The following CNTNAP5 variants were observed in gnomAD, a reference collection of about 807,000 sequenced individuals.
CNTNAP5 encodes the protein contactin-associated protein-like 5.
In CNTNAP5, 72 loss-of-function variants were observed where a neutral mutation model predicts 150.2. That is an observed-to-expected ratio of 0.48 (90% CI 0.40 to 0.58). CNTNAP5 has a LOEUF of 0.58. Ranked by LOEUF, CNTNAP5 falls within the 20% of genes least tolerant of loss-of-function variation. The pLI, the probability that CNTNAP5 is intolerant of heterozygous loss-of-function variation, is 0.00. For synonymous variants in CNTNAP5, 672 were observed against 619.8 expected, an observed-to-expected ratio of 1.08 and a Z score of -1.25; for missense variants, 1,636 against 1,626.2, an observed-to-expected ratio of 1.01 and a Z score of -0.10.
intron 1 of CNTNAP5, among the ~76,000 whole-genome samples, chr2:124,069,966 C>A (rs1682259237): frequency 6.6e-6 from 1 of 152,034 alleles, no homozygotes; most frequent in Admixed American, 6.6e-5. Flanking sequence ...ATCAAAAATA[C>A]TAATGGCAAC....
intron 3 of CNTNAP5, among the ~76,000 whole-genome samples, chr2:124,370,235 C>A (rs144547823): frequency 2.7e-4 from 41 of 152,232 alleles, no homozygotes; most frequent in African/African-American, 9.4e-4. Flanking sequence ...TTTGCAGAGA[C>A]CACATCTAGA....
intron 11 of CNTNAP5, among the ~76,000 whole-genome samples, chr2:124,585,173 A>G (rs1459462156): frequency 2.6e-5 from 4 of 152,222 alleles, no homozygotes; most frequent in African/African-American, 9.6e-5. Flanking sequence ...ATGAAGCTGT[A>G]CAGGGGCTCA....
intron 2 of CNTNAP5, among the ~76,000 whole-genome samples, chr2:124,225,139 CT>C (rs1331669254): frequency 1.3e-5 from 2 of 152,112 alleles, no homozygotes; most frequent in African/African-American, 4.8e-5. Context: ...CCCTCTTCCC[CT>C]GGTTGTAAGC....
Position 124,781,624 on chromosome 2 carries a change from C to T in CNTNAP5, c.2753-8278C>T, listed in dbSNP as rs568317796. Among the ~76,000 whole-genome samples the T allele has an allele frequency of 3.3e-5, 5 of 152,238 alleles. No homozygotes were observed. The East Asian group carries it at 9.7e-4, about 29-fold the overall frequency. Reference sequence around the variant, plus strand: ...TCAGGGCCTAAGACTGACCATCCTTCCAGATCTTGCTGTCTATTTGGGGTA... The same window carrying T: ...TCAGGGCCTAAGACTGACCATCCTTTCAGATCTTGCTGTCTATTTGGGGTA... On this transcript the variant is annotated intron_variant, in intron 17 of 23. Transcript: ENST00000682447.
chr2:124,224,584 A>G (rs1686410848), intron 2 of CNTNAP5, among the ~76,000 whole-genome samples: 1 of 151,974 alleles, frequency 6.6e-6, no homozygotes, highest in African/African-American at 2.4e-5. Flanking sequence ...AGGTGGATAT[A>G]TACAGGTTTG....
chr2:124,487,502 G>A (rs769958937), intron 7 of CNTNAP5, among the ~76,000 whole-genome samples: 3 of 152,064 alleles, frequency 2.0e-5, no homozygotes, highest in Non-Finnish European at 2.9e-5. Flanking sequence ...TGTAAGGACA[G>A]TATGTTTGTG....
In CNTNAP5 at chr2:124,858,434, G is replaced by A. The variant is rs191955847; in HGVS notation, c.3218-6872G>A. On this transcript the variant is annotated intron_variant, in intron 19 of 23. Transcript: ENST00000682447. ...TAACAGACAGACAGAACCAAATCAT[G>A]AGTTAACTCCCATCCACAATTGCTT... 2.9e-3 allele frequency among the ~76,000 whole-genome samples: 438 copies of A among 152,264 alleles called. 2 individuals are homozygous for A. The highest frequency in any genetic ancestry group is 9.5e-3 in the African/African-American group (395 of 41,556).
chr2:124,732,150 T>C (rs751451628), intron 13 of CNTNAP5, among the ~76,000 whole-genome samples: 1 of 152,094 alleles, frequency 6.6e-6, no homozygotes, highest in Non-Finnish European at 1.5e-5. Context: ...AATCTGATTC[T>C]TTTTTGTTTT....
intron 3 of CNTNAP5, among the ~76,000 whole-genome samples, chr2:124,392,612 A>G (rs1221712890): frequency 2.1e-5 from 3 of 144,300 alleles, no homozygotes; most frequent in South Asian, 2.2e-4. Flanking sequence ...GCTCTGAATA[A>G]TTTGTTCAGA....
intron 1 of CNTNAP5, among the ~76,000 whole-genome samples, chr2:124,039,423 A>C (rs1420696113): frequency 6.6e-6 from 1 of 152,160 alleles, no homozygotes; most frequent in African/African-American, 2.4e-5. Context: ...CAAACCCCTG[A>C]GTGTTGGCTT....
chr2:124,166,690 A>C (rs945754433), intron 1 of CNTNAP5, among the ~76,000 whole-genome samples: 1 of 152,178 alleles, frequency 6.6e-6, no homozygotes, highest in Non-Finnish European at 1.5e-5. Flanking sequence ...CCAGTTCCTT[A>C]GGTTTCCTTC....
chr2:124,154,700 C>G (rs1221387295), intron 1 of CNTNAP5, among the ~76,000 whole-genome samples: 2 of 152,130 alleles, frequency 1.3e-5, no homozygotes, highest in African/African-American at 4.8e-5. Flanking sequence ...GCAGATCAGG[C>G]CTCCAGTGTT....
At chr2:124,046,223 A>G (rs1260804377) in intron 1 of CNTNAP5, among the ~76,000 whole-genome samples, 3 of 152,154 alleles carry the variant, frequency 2.0e-5, no homozygotes, top group Admixed American at 6.5e-5. Context: ...AAAGGGAAAA[A>G]GTCTTCTAGA....
At chr2:124,578,445 T>A (rs1028879981) in intron 11 of CNTNAP5, among the ~76,000 whole-genome samples, 7 of 151,584 alleles carry the variant, frequency 4.6e-5, no homozygotes, top group Non-Finnish European at 8.8e-5. Flanking sequence ...CTCCCCACAG[T>A]CTTGGAACTG....
chr2:124,411,211 G>A (rs1043405390), intron 3 of CNTNAP5, among the ~76,000 whole-genome samples: 4 of 152,108 alleles, frequency 2.6e-5, no homozygotes, highest in Non-Finnish European at 5.9e-5. Context: ...ACCAATAACA[G>A]GAGCTGAAAT....
rs150621841 is a variant in CNTNAP5 at position 124,130,584 on chromosome 2, T to C, written c.83-91121T>C. On this transcript the variant is annotated intron_variant, in intron 1 of 23. Coordinates refer to ENST00000682447, the MANE Select transcript of CNTNAP5 (RefSeq NM_001367498.1). ...AGACAGGTTGTCTGGTCACCCCATC[T>C]ATGCAAAGCTATCTTCTTTATAGGT... Among the ~76,000 whole-genome samples the C allele has an allele frequency of 7.6e-3, 1,160 of 152,264 alleles. 10 individuals carry two copies. The highest frequency in any genetic ancestry group is 0.026 in the African/African-American group (1,082 of 41,554).
intron 13 of CNTNAP5, among the ~76,000 whole-genome samples, chr2:124,679,390 C>T (rs1285265322): frequency 6.6e-6 from 1 of 151,868 alleles, no homozygotes; most frequent in Non-Finnish European, 1.5e-5. Context: ...CTCATCCCTT[C>T]TGATTCTGAA....
rs2247279 is a variant in CNTNAP5 at position 124,918,736 on chromosome 2, T to C, written c.*4448T>C. 0.53 allele frequency among the ~76,000 whole-genome samples: 80,784 copies of C among 151,952 alleles called. 22,775 individuals are homozygous for C. The highest frequency in any genetic ancestry group is 0.71 in the African/African-American group (29,518 of 41,464). On this transcript the variant is annotated 3_prime_UTR_variant, in exon 24 of 24. Transcript: ENST00000682447. ...GGTTCTGCCAGTCATTCTTCCTTAA[T>C]GAAAAGGCTTGGACATACTTAGTCC...
intron 13 of CNTNAP5, among the ~76,000 whole-genome samples, chr2:124,722,205 C>T (rs897388161): frequency 6.6e-6 from 1 of 152,090 alleles, no homozygotes; most frequent in Non-Finnish European, 1.5e-5. Context: ...TGCTACACTT[C>T]TTACATGCAA....
Sources: gnomAD v4.1 joint callset for allele counts (sites outside exome capture counted in the v4.1 genomes callset) on GRCh38, gnomAD v4.1.1 for gene constraint, MANE v1.5 for transcripts, NCBI Gene and HGNC (gene_info 2026-07-23, HGNC 2026-07-21) for gene names.